The following MICAL2 variants were observed in gnomAD, a reference collection of about 807,000 sequenced individuals.
MICAL2 encodes the protein microtubule associated monooxygenase, calponin and LIM domain containing 2, also known as [F-actin]-monooxygenase MICAL2.
A neutral mutation model predicts 127.3 loss-of-function variants in MICAL2; 77 were observed. The observed-to-expected ratio is 0.60, with a 90% CI of 0.50 to 0.73. The LOEUF (loss-of-function observed/expected upper bound fraction) is 0.73, where lower values mean the gene tolerates loss of function less well. Ranked by LOEUF, MICAL2 falls within the 30% of genes least tolerant of loss-of-function variation. The pLI, the probability that MICAL2 is intolerant of heterozygous loss-of-function variation, is 0.00. For synonymous variants in MICAL2, 570 were observed against 551.1 expected (o/e 1.03, Z -0.48); for missense variants, 1,351 against 1,434.4 (o/e 0.94, Z 0.94).
intron 15 of MICAL2, among the ~76,000 whole-genome samples, chr11:12,233,546 A>T (rs1286229241): frequency 6.6e-6 from 1 of 152,234 alleles, no homozygotes; most frequent in East Asian, 1.9e-4. Flanking sequence ...GAACATGGTT[A>T]TCTTGTGCTG....
Position 12,162,368 on chromosome 11 carries a change from G to A in MICAL2, c.213G>A (p.Lys71=), listed in dbSNP as rs756668212. 5.0e-6 allele frequency: 8 copies of A among 1,614,260 alleles called. No homozygotes were observed. The highest frequency in any genetic ancestry group is 3.4e-6 in the Non-Finnish European group (4 of 1,180,058). ...AAGCCCTGTGGTACAAATTGGATAA[G>A]CGTGGTTCCCACAAAGAGTATAAGC... ...KAKALWYKLD[K]RGSHKEYKRG... Residue 71 remains lysine, a synonymous_variant, in exon 3 of 28, where the codon AAG becomes AAA. Transcript: ENST00000683283.
At chr11:12,292,444 T>C, downstream of MICAL2, 1 of 844,694 alleles carries the variant, frequency 1.2e-6, no homozygotes, top group Non-Finnish European at 1.9e-6. Flanking sequence ...GTCAAGGGTC[T>C]ACCCCAGCTG....
chr11:12,234,142 C>G (rs1858697943), intron 15 of MICAL2, among the ~76,000 whole-genome samples: 2 of 152,292 alleles, frequency 1.3e-5, no homozygotes, highest in African/African-American at 4.8e-5. Flanking sequence ...TGGGCACGGC[C>G]TCCCCAGGAA....
chr11:12,236,500 A>C (rs1468940479), intron 16 of MICAL2, among the ~76,000 whole-genome samples: 1 of 152,254 alleles, frequency 6.6e-6, no homozygotes, highest in Non-Finnish European at 1.5e-5. Context: ...CACTTGAAAT[A>C]CATGAAACTT....
intron 3 of MICAL2, among the ~76,000 whole-genome samples, chr11:12,171,792 A>T (rs923228623): frequency 1.3e-5 from 2 of 152,226 alleles, no homozygotes; most frequent in Non-Finnish European, 2.9e-5. Flanking sequence ...CCCAAAAGAA[A>T]TATAATGTAA....
At chr11:12,159,477 C>T (rs1450354099) in intron 2 of MICAL2, among the ~76,000 whole-genome samples, 3 of 152,206 alleles carry the variant, frequency 2.0e-5, no homozygotes, top group South Asian at 2.1e-4. Context: ...CCGTCATCCA[C>T]GTTTCTTGCC....
chr11:12,182,098 T>G (rs1274815572), intron 3 of MICAL2, among the ~76,000 whole-genome samples: 3 of 152,250 alleles, frequency 2.0e-5, no homozygotes, highest in Non-Finnish European at 4.4e-5. Context: ...ATTGAAATTA[T>G]TGTAAGGTGT....
chr11:12,282,325 GCCC>G (rs1339882278), intron 2 of MICAL2, among the ~76,000 whole-genome samples: 1 of 152,116 alleles, frequency 6.6e-6, no homozygotes, highest in East Asian at 1.9e-4. Context: ...GCTGGGTCCA[GCCC>G]CACCTCTGGT....
intron 29 of MICAL2, among the ~76,000 whole-genome samples, chr11:12,301,897 G>A (rs1381421018): frequency 6.6e-6 from 1 of 152,172 alleles, no homozygotes; most frequent in African/African-American, 2.4e-5. Context: ...CTGAGTTGTA[G>A]GAGATACACA....
intron 3 of MICAL2, among the ~76,000 whole-genome samples, chr11:12,175,603 G>T (rs906539214): frequency 3.9e-5 from 6 of 152,002 alleles, no homozygotes; most frequent in African/African-American, 1.4e-4. Context: ...GTGTGTGTGT[G>T]TATGTCAGGT....
At chr11:12,349,012 C>G (rs1291852154) in intron 32 of MICAL2, among the ~76,000 whole-genome samples, 2 of 152,182 alleles carry the variant, frequency 1.3e-5, no homozygotes, top group Non-Finnish European at 2.9e-5. Flanking sequence ...TCACACAAAG[C>G]TTCTGTCTGC....
At chr11:12,267,775 T>C (rs1176976470), downstream of MICAL2, among the ~76,000 whole-genome samples, 1 of 152,160 alleles carries the variant, frequency 6.6e-6, no homozygotes, top group Non-Finnish European at 1.5e-5. Flanking sequence ...CTAACTTTTG[T>C]ATTTTTAGTA....
intron 21 of MICAL2, among the ~76,000 whole-genome samples, chr11:12,244,743 G>A (rs1860474077): frequency 6.6e-6 from 1 of 152,188 alleles, no homozygotes; most frequent in Admixed American, 6.5e-5. Context: ...CCTGTGCAAA[G>A]GCAGGCAGGC....
downstream of MICAL2, among the ~76,000 whole-genome samples, chr11:12,296,821 C>CT (rs1863991780): frequency 6.6e-6 from 1 of 151,648 alleles, no homozygotes; most frequent in Non-Finnish European, 1.5e-5. Context: ...GCTGTGTGCA[C>CT]TTTTTTTGAA....
chr11:12,351,691 G>A (rs568695161), intron 33 of MICAL2, among the ~76,000 whole-genome samples: 10 of 152,248 alleles, frequency 6.6e-5, no homozygotes, highest in African/African-American at 2.4e-4. Flanking sequence ...GGGAGAGGTG[G>A]CCCGGAGTTA....
chr11:12,226,600 C>T (rs141375026), intron 14 of MICAL2, among the ~76,000 whole-genome samples: 1 of 151,510 alleles, frequency 6.6e-6, no homozygotes, highest in East Asian at 1.9e-4. Context: ...TTTAGAGGGA[C>T]CTGGTTACAA....
chr11:12,169,916 G>A (rs556768657), intron 3 of MICAL2, among the ~76,000 whole-genome samples: 1 of 152,338 alleles, frequency 6.6e-6, no homozygotes, highest in African/African-American at 2.4e-5. Context: ...AGAGAGTGCA[G>A]TAAGATGTTG....
chr11:12,328,805 G>C (rs1864382603), intron 32 of MICAL2, among the ~76,000 whole-genome samples: 1 of 152,214 alleles, frequency 6.6e-6, no homozygotes, highest in African/African-American at 2.4e-5. Flanking sequence ...CCAGTTACAT[G>C]AGAGCGATGA....
intron 3 of MICAL2, among the ~76,000 whole-genome samples, chr11:12,201,658 A>C (rs1445013892): frequency 1.3e-5 from 2 of 152,176 alleles, no homozygotes; most frequent in Non-Finnish European, 2.9e-5. Flanking sequence ...GCTTTTGCCG[A>C]ATGTAGCTAT....
Sources: gnomAD v4.1 joint callset for allele counts (sites outside exome capture counted in the v4.1 genomes callset) on GRCh38, gnomAD v4.1.1 for gene constraint, MANE v1.5 for transcripts, NCBI Gene and HGNC (gene_info 2026-07-23, HGNC 2026-07-21) for gene names.